HS6ST3: variants seen among roughly 807,000 people sequenced by gnomAD.
The protein encoded by HS6ST3 is heparan sulfate 6-O-sulfotransferase 3, also known as heparan-sulfate 6-O-sulfotransferase 3.
HS6ST3 carries 12 observed loss-of-function variants against 36.7 expected under a neutral mutation model. The ratio of observed to expected loss-of-function variants is 0.33; its 90% CI spans 0.21 to 0.53. The LOEUF (loss-of-function observed/expected upper bound fraction) is 0.53, where lower values mean the gene tolerates loss of function less well. Ranked by LOEUF, HS6ST3 falls within the 20% of genes least tolerant of loss-of-function variation. The pLI, the probability that HS6ST3 is intolerant of heterozygous loss-of-function variation, is 0.95. For missense variants in HS6ST3, 584 were observed against 640.9 expected (o/e 0.91, Z 0.96); for synonymous variants, 240 against 257.5 (o/e 0.93, Z 0.65).
chr13:96,305,847 ATTTT>A (rs574864875), intron 1 of HS6ST3, among the ~76,000 whole-genome samples: 3 of 122,864 alleles, frequency 2.4e-5, no homozygotes, highest in Non-Finnish European at 3.5e-5. Context: ...CCCTTAGTTA[ATTTT>A]TTTTTTTTTT....
In HS6ST3 at chr13:96,254,143, C is replaced by T. The variant is rs542274338; in HGVS notation, c.707+162574C>T. On this transcript the variant is annotated intron_variant, in intron 1 of 1. Transcript: ENST00000376705. Reference sequence around the variant, plus strand: ...GTAATATACTTTTTCCAGCCGGGCGCGGTGGCTCATGCCTGTAATCCCAGC... The same window carrying T: ...GTAATATACTTTTTCCAGCCGGGCGTGGTGGCTCATGCCTGTAATCCCAGC... Among the ~76,000 whole-genome samples the T allele has an allele frequency of 5.3e-5, 8 of 151,922 alleles. No homozygotes were observed. In the South Asian group the frequency reaches 1.2e-3, roughly 24 times the overall value.
chr13:96,179,584 A>G (rs1292486409), intron 1 of HS6ST3, among the ~76,000 whole-genome samples: 1 of 152,188 alleles, frequency 6.6e-6, no homozygotes, highest in Admixed American at 6.5e-5. Context: ...TAGTCTTGCA[A>G]AGATCATTCA....
At chr13:96,626,063 C>T (rs1450257095) in intron 1 of HS6ST3, among the ~76,000 whole-genome samples, 2 of 151,866 alleles carry the variant, frequency 1.3e-5, no homozygotes, top group Non-Finnish European at 2.9e-5. Context: ...AGCATGGTCT[C>T]GATCTCGTGA....
Position 96,834,644 on chromosome 13 carries a change from A to G in HS6ST3, c.*1446A>G, listed in dbSNP as rs1005804599. The G allele has an allele frequency of 6.5e-5, 10 of 152,792 alleles. No homozygotes were observed. Among genetic ancestry groups the G allele is most frequent in the African/African-American group, 2.2e-4 (9 of 41,590 alleles). The allele number at this position is 152,792 out of a possible 1,614,324, so 9.5% of individuals were successfully genotyped here. ...GTTTCACAACGGATTGATCTGATCAATCCCTTCAAGGAGCTGAAGGCAAAA... is the reference window on the plus strand; with the variant it reads ...GTTTCACAACGGATTGATCTGATCAGTCCCTTCAAGGAGCTGAAGGCAAAA... On this transcript the variant is annotated 3_prime_UTR_variant, in exon 2 of 2. Coordinates refer to ENST00000376705, the MANE Select transcript of HS6ST3 (RefSeq NM_153456.4).
intron 1 of HS6ST3, among the ~76,000 whole-genome samples, chr13:96,220,924 G>T (rs1033391993): frequency 5.9e-5 from 9 of 152,098 alleles, no homozygotes; most frequent in Non-Finnish European, 1.2e-4. Flanking sequence ...TACGCAATTT[G>T]AGTGTTCCAT....
intron 1 of HS6ST3, among the ~76,000 whole-genome samples, chr13:96,216,426 C>T (rs949321134): frequency 6.6e-5 from 10 of 152,244 alleles, no homozygotes; most frequent in Non-Finnish European, 1.5e-4. Flanking sequence ...CCCCGCCCAC[C>T]AATAAATAAT....
At chr13:96,325,728 T>C (rs2055027565) in intron 1 of HS6ST3, among the ~76,000 whole-genome samples, 1 of 152,130 alleles carries the variant, frequency 6.6e-6, no homozygotes, top group Admixed American at 6.5e-5. Context: ...ACTGGGACTA[T>C]GAATGGAGTC....
intron 1 of HS6ST3, among the ~76,000 whole-genome samples, chr13:96,431,524 C>T (rs1001634225): frequency 3.9e-5 from 6 of 152,154 alleles, no homozygotes; most frequent in African/African-American, 1.4e-4. Flanking sequence ...AAGGATAGGC[C>T]CTTTAATTGA....
rs527820402 is a variant in HS6ST3, at chr13:96,663,947, C to A, written c.708-168543C>A. Among the ~76,000 whole-genome samples the A allele has an allele frequency of 2.6e-5, 4 of 152,100 alleles. No homozygotes were observed. In the South Asian group the frequency reaches 8.3e-4, roughly 32 times the overall value. On this transcript the variant is annotated intron_variant, in intron 1 of 1. Transcript: ENST00000376705. Reference sequence around the variant, plus strand: ...ATAAAAGGCATATTTATGGAGCTGGCAGATTAGTGGTTGCCTGGGCTTGGA... The same window carrying A: ...ATAAAAGGCATATTTATGGAGCTGGAAGATTAGTGGTTGCCTGGGCTTGGA...
chr13:96,602,769 G>A (rs2056426182), intron 1 of HS6ST3, among the ~76,000 whole-genome samples: 1 of 152,126 alleles, frequency 6.6e-6, no homozygotes, highest in African/African-American at 2.4e-5. Context: ...TGGATTATGG[G>A]GCTGTGGGGG....
intron 1 of HS6ST3, among the ~76,000 whole-genome samples, chr13:96,405,251 G>A (rs183504710): frequency 8.5e-5 from 13 of 152,202 alleles, no homozygotes; most frequent in South Asian, 4.1e-4. Context: ...TTTTATGTCC[G>A]TATATGCCAT....
intron 1 of HS6ST3, among the ~76,000 whole-genome samples, chr13:96,452,372 A>C: frequency 6.6e-6 from 1 of 152,192 alleles, no homozygotes; most frequent in East Asian, 1.9e-4. Flanking sequence ...GAAATTACAA[A>C]GTTCTCCTTT....
intron 1 of HS6ST3, among the ~76,000 whole-genome samples, chr13:96,538,451 T>C (rs2056164542): frequency 6.6e-6 from 1 of 152,214 alleles, no homozygotes; most frequent in African/African-American, 2.4e-5. Context: ...AAAATTTATT[T>C]ATTTATTTTT....
chr13:96,566,304 A>G (rs1253496171), intron 1 of HS6ST3, among the ~76,000 whole-genome samples: 1 of 152,112 alleles, frequency 6.6e-6, no homozygotes, highest in Non-Finnish European at 1.5e-5. Flanking sequence ...ATTTTTTTAG[A>G]ACTGAAGGAA....
chr13:96,792,658 C>T (rs1328180917), intron 1 of HS6ST3, among the ~76,000 whole-genome samples: 1 of 152,006 alleles, frequency 6.6e-6, no homozygotes, highest in African/African-American at 2.4e-5. Context: ...TCCATGTTCA[C>T]TTTTCCAGAA....
chr13:96,431,236 A>G lies in HS6ST3; in HGVS notation c.707+339667A>G, dbSNP rs1010139785. The stretch of plus-strand genomic sequence containing the variant: ...AAAAACAAACAAACAAACAACAACA[A>G]CAACAACAACAACAACAACAAATAA... On this transcript the variant is annotated intron_variant, in intron 1 of 1. Transcript: ENST00000376705. Among the ~76,000 whole-genome samples, 13 of 151,344 alleles carry G rather than the reference A, an allele frequency of 8.6e-5. 1 individual carries two copies. Among genetic ancestry groups the G allele is most frequent in the Non-Finnish European group, 1.9e-4 (13 of 67,914 alleles).
chr13:96,536,585 C>T (rs2056156282), intron 1 of HS6ST3, among the ~76,000 whole-genome samples: 1 of 152,056 alleles, frequency 6.6e-6, no homozygotes, highest in African/African-American at 2.4e-5. Flanking sequence ...TGTGGCTCTT[C>T]TCTATCTGTG....
intron 1 of HS6ST3, among the ~76,000 whole-genome samples, chr13:96,761,081 A>G (rs1876959916): frequency 6.7e-6 from 1 of 148,294 alleles, no homozygotes. Flanking sequence ...AACTTTTAGC[A>G]TTTTCTCTGT....
At chr13:96,484,555 A>G (rs1277669699) in intron 1 of HS6ST3, among the ~76,000 whole-genome samples, 5 of 152,114 alleles carry the variant, frequency 3.3e-5, no homozygotes, top group Admixed American at 2.6e-4. Context: ...TTGCTTCTGC[A>G]AGTTTGACTA....
Sources: allele counts gnomAD v4.1 joint callset (sites outside exome capture counted in the v4.1 genomes callset), GRCh38; gene constraint gnomAD v4.1.1; transcripts MANE v1.5; gene names NCBI Gene and HGNC (gene_info 2026-07-23, HGNC 2026-07-21).